The following FGFR2 variants were observed in gnomAD, a reference collection of about 807,000 sequenced individuals.
FGFR2 encodes fibroblast growth factor receptor 2, also known as BEK fibroblast growth factor receptor.
In FGFR2, 19 loss-of-function variants were observed where a neutral mutation model predicts 95.9. The observed-to-expected ratio is 0.20, with a 90% confidence interval of 0.14 to 0.29. FGFR2 has a LOEUF of 0.29. Among genes scored for constraint, FGFR2 ranks in the 10% least tolerant of loss-of-function variants. The probability of loss-of-function intolerance (pLI) is 1.00; values close to 1 mark genes in which losing one functional copy is unlikely to be tolerated. For synonymous variants in FGFR2, 392 were observed against 393.3 expected (o/e 1.00, Z 0.04); for missense variants, 707 against 1,056.9 (o/e 0.67, Z 4.59).
chr10:121,499,719 C>T lies in FGFR2; in HGVS notation c.1561+1107G>A, dbSNP rs139818698. Among the ~76,000 whole-genome samples the T allele has an allele frequency of 8.5e-4, 129 of 152,370 alleles. 1 individual carries two copies. Among genetic ancestry groups the T allele is most frequent in the East Asian group, 4.8e-3 (25 of 5,184 alleles). Reference sequence around the variant, plus strand: ...GTCCTCCCCACACCTGGCCCTGGTACGCAGCCAGGGGCTGCCTCAGTCAGT... The same window carrying T: ...GTCCTCCCCACACCTGGCCCTGGTATGCAGCCAGGGGCTGCCTCAGTCAGT... On this transcript the variant is annotated intron_variant, in intron 11 of 17. Transcript: ENST00000358487.
chr10:121,561,100 G>C (rs1440155948), intron 4 of FGFR2, among the ~76,000 whole-genome samples: 1 of 152,096 alleles, frequency 6.6e-6, no homozygotes, highest in Non-Finnish European at 1.5e-5. Flanking sequence ...TTTATCCGAG[G>C]CACCTACCAA....
intron 6 of FGFR2, among the ~76,000 whole-genome samples, chr10:121,535,281 G>A (rs1322531554): frequency 2.0e-5 from 3 of 152,064 alleles, no homozygotes; most frequent in Admixed American, 6.5e-5. Flanking sequence ...AATTTGTTAG[G>A]GGTACCCTAG....
chr10:121,574,553 T>A (rs1017488830), intron 2 of FGFR2, among the ~76,000 whole-genome samples: 9 of 150,378 alleles, frequency 6.0e-5, no homozygotes, highest in East Asian at 2.0e-4. Context: ...TAATAATAAT[T>A]AAATTAAAAA....
At chr10:121,535,010 T>C (rs1852632792) in intron 6 of FGFR2, among the ~76,000 whole-genome samples, 1 of 152,200 alleles carries the variant, frequency 6.6e-6, no homozygotes, top group Admixed American at 6.5e-5. Flanking sequence ...GGTTAGCTCA[T>C]CCTGGATTTA....
rs1846846405 is a variant in FGFR2, at chr10:121,496,600, T to A, written c.1795A>T (p.Thr599Ser). The change falls in exon 13 of 18, where the codon ACC (threonine) becomes TCC (serine). Residue 599 changes from threonine to serine, a missense_variant. Thr to Ser is a moderately conservative substitution (Grantham distance 58). This residue lies in a region of FGFR2 where 37 missense variants were observed against 34.1 expected (regional missense o/e 1.09). Transcript: ENST00000358487. ...GTGCATGACACCAAGTCCTTGAAGGTCATCTGCTCCTCAGGAACACGGTTA... is the reference window on the plus strand; with the variant it reads ...GTGCATGACACCAAGTCCTTGAAGGACATCTGCTCCTCAGGAACACGGTTA... ...DINRVPEEQMTFKDLVSCTYQ... is the reference protein window; with the variant it reads ...DINRVPEEQMSFKDLVSCTYQ... The A allele has an allele frequency of 1.2e-6, 2 of 1,613,542 alleles. No homozygotes were observed. The highest frequency in any genetic ancestry group is 1.3e-5 in the African/African-American group (1 of 74,866).
chr10:121,544,130 T>C (rs1409389696), intron 5 of FGFR2, among the ~76,000 whole-genome samples: 2 of 152,072 alleles, frequency 1.3e-5, no homozygotes, highest in East Asian at 1.9e-4. Context: ...GCAACCCAAG[T>C]GATCATCATC....
chr10:121,560,672 C>CT (rs1437411206), intron 4 of FGFR2, among the ~76,000 whole-genome samples: 1 of 144,882 alleles, frequency 6.9e-6, no homozygotes, highest in African/African-American at 2.5e-5. Context: ...CTTATCAGTG[C>CT]TTTTTATTAA....
In FGFR2 at chr10:121,483,768, G is replaced by A. The variant is rs375719482; in HGVS notation, c.2231C>T (p.Pro744Leu). 4.3e-6 allele frequency: 7 copies of A among 1,613,880 alleles called. No homozygotes were observed. Among genetic ancestry groups the A allele is most frequent in the African/African-American group, 1.3e-5 (1 of 74,988 alleles). ...CTGCTTGAACGTTGGTCTCTGGGAG[G>A]GCACTGCATGCCAACAGTCCCTCAT... is the stretch of plus-strand genomic sequence containing the variant. The part of the protein sequence containing the change: ...MMMRDCWHAV[P>L]SQRPTFKQLV... The change falls in exon 17 of 18, where the codon CCC becomes CTC. Residue 744 changes from proline (P) to leucine (L), a missense_variant. By Grantham distance (98) the Pro-to-Leu change is moderately conservative. Around this residue, in one of 7 missense-constraint regions of FGFR2, gnomAD observed 104 missense variants for 214.2 expected, o/e 0.49. Coordinates refer to ENST00000358487, the MANE Select transcript of FGFR2 (RefSeq NM_000141.5).
chr10:121,507,768 G>T (rs1430576272), intron 9 of FGFR2, among the ~76,000 whole-genome samples: 1 of 152,166 alleles, frequency 6.6e-6, no homozygotes, highest in Non-Finnish European at 1.5e-5. Context: ...TTGCTGCCCA[G>T]ATCTGAGAGA....
intron 1 of FGFR2, among the ~76,000 whole-genome samples, chr10:121,595,285 T>TA (rs1198802069): frequency 1.3e-5 from 2 of 152,270 alleles, no homozygotes; most frequent in Non-Finnish European, 2.9e-5. Flanking sequence ...CTGCTCCTTT[T>TA]AGCTTTGACT....
intron 13 of FGFR2, 76 bp from the exon 14 acceptor site, chr10:121,488,189 C>A (rs2133842251): frequency 6.3e-7 from 1 of 1,582,684 alleles, no homozygotes; most frequent in Non-Finnish European, 8.6e-7. Context: ...ATGTTCATTT[C>A]TTAAAATGCA....
At chr10:121,521,555 C>T (rs1850540432) in intron 6 of FGFR2, among the ~76,000 whole-genome samples, 1 of 144,680 alleles carries the variant, frequency 6.9e-6, no homozygotes, top group South Asian at 2.3e-4. Context: ...CTCAATGTCA[C>T]TAATCATTAG....
intron 9 of FGFR2, among the ~76,000 whole-genome samples, chr10:121,510,250 A>G (rs1216182696): frequency 6.6e-6 from 1 of 152,154 alleles, no homozygotes; most frequent in Non-Finnish European, 1.5e-5. Flanking sequence ...GAGTAAACCT[A>G]TCAGAGCCAT....
chr10:121,538,557 G>A (rs769558344), intron 6 of FGFR2, 35 bp downstream of exon 6: 1 of 1,614,108 alleles, frequency 6.2e-7, no homozygotes, highest in East Asian at 2.2e-5. Context: ...GAATGGGCTG[G>A]TATGCAGCCG....
chr10:121,580,524 G>A (rs928863361), intron 2 of FGFR2, among the ~76,000 whole-genome samples: 1 of 152,124 alleles, frequency 6.6e-6, no homozygotes, highest in African/African-American at 2.4e-5. Flanking sequence ...CTGGGGAGCC[G>A]GCAGCAATCA....
At position 121,483,789 on chromosome 10, in the gene FGFR2, C is replaced by G. The variant is rs1157875939; in HGVS notation, c.2210G>C (p.Arg737Thr). 2 of 1,613,300 alleles carry G rather than the reference C, an allele frequency of 1.2e-6. No individual in the cohort carries two copies. The highest frequency in any genetic ancestry group is 8.5e-7 in the Non-Finnish European group (1 of 1,179,654). The change falls in exon 17 of 18, where the codon AGG (arginine) becomes ACG (threonine). Residue 737 changes from arginine to threonine, a missense_variant. This residue lies in a region of FGFR2 where 104 missense variants were observed against 214.2 expected (regional missense o/e 0.49). Transcript: ENST00000358487. Reference sequence around the variant, plus strand: ...GGAGGGCACTGCATGCCAACAGTCCCTCATCATCATGTACCTGGGAAAAAT... The same window carrying G: ...GGAGGGCACTGCATGCCAACAGTCCGTCATCATCATGTACCTGGGAAAAAT... ...NCTNELYMMM[R>T]DCWHAVPSQR...
chr10:121,549,487 G>A (rs1264882603), intron 5 of FGFR2, among the ~76,000 whole-genome samples: 1 of 152,140 alleles, frequency 6.6e-6, no homozygotes, highest in Admixed American at 6.5e-5. Context: ...GATGGGTTCC[G>A]GTGATCCCCT....
Position 121,496,333 on chromosome 10 carries a change from G to A in FGFR2, c.1863+199C>T, listed in dbSNP as rs17612814. 0.014 allele frequency among the ~76,000 whole-genome samples: 2,192 copies of A among 152,296 alleles called. 30 individuals are homozygous for A. The highest frequency in any genetic ancestry group is 0.022 in the Non-Finnish European group (1,480 of 68,032). ...TATCTTTTCTGCTCATCTCTGCAGC[G>A]ATGCTATAGGTTTATGAGGCTGCTT... On this transcript the variant is annotated intron_variant, in intron 13 of 17. Coordinates refer to ENST00000358487, the MANE Select transcript of FGFR2 (RefSeq NM_000141.5).
chr10:121,510,937 GACT>G (rs1848976939), intron 9 of FGFR2, among the ~76,000 whole-genome samples: 2 of 151,976 alleles, frequency 1.3e-5, no homozygotes, highest in Non-Finnish European at 2.9e-5. Context: ...AAGTAGCTGA[GACT>G]ACAGGCATGC....
Sources: allele counts gnomAD v4.1 joint callset (sites outside exome capture counted in the v4.1 genomes callset), GRCh38; gene constraint gnomAD v4.1.1; regional missense constraint gnomAD v4.1.1; transcripts MANE v1.5; gene names NCBI Gene and HGNC (gene_info 2026-07-23, HGNC 2026-07-21).